Variants in HS6ST3 observed in about 807,000 individuals in gnomAD.
HS6ST3 encodes the protein heparan-sulfate 6-O-sulfotransferase 3.
HS6ST3 carries 12 observed loss-of-function variants against 36.7 expected under a neutral mutation model. The observed-to-expected ratio is 0.33, with a 90% CI of 0.21 to 0.53. The LOEUF is 0.53. HS6ST3 is among the 20% of genes least tolerant of loss of function. The probability of loss-of-function intolerance (pLI) is 0.95; values close to 1 mark genes in which losing one functional copy is unlikely to be tolerated. For synonymous variants in HS6ST3, 240 were observed against 257.5 expected (o/e 0.93, Z 0.65); for missense variants, 584 against 640.9 (o/e 0.91, Z 0.96).
At chr13:96,230,484 T>C (rs574061317) in intron 1 of HS6ST3, among the ~76,000 whole-genome samples, 56 of 152,248 alleles carry the variant, frequency 3.7e-4, no homozygotes, top group African/African-American at 1.2e-3. Context: ...AGATGAAATA[T>C]GGGTCTGGAG....
At chr13:96,091,605 C>A (rs755958688) in intron 1 of HS6ST3, 36 bp downstream of exon 1, 2 of 1,518,914 alleles carry the variant, frequency 1.3e-6, no homozygotes, top group Non-Finnish European at 1.8e-6. Flanking sequence ...TCTTCCCCCC[C>A]ACCCCCCATC....
At chr13:96,412,259 TC>T (rs949539677) in intron 1 of HS6ST3, among the ~76,000 whole-genome samples, 1 of 152,096 alleles carries the variant, frequency 6.6e-6, no homozygotes, top group African/African-American at 2.4e-5. Context: ...CACCTTGGCC[TC>T]CCAAAGTGCT....
At chr13:96,653,966 G>A (rs1440184182) in intron 1 of HS6ST3, among the ~76,000 whole-genome samples, 2 of 152,218 alleles carry the variant, frequency 1.3e-5, no homozygotes, top group Non-Finnish European at 2.9e-5. Context: ...CAGTGATGGT[G>A]AGCATTTTTT....
intron 1 of HS6ST3, among the ~76,000 whole-genome samples, chr13:96,704,766 C>T (rs1875376946): frequency 6.6e-6 from 1 of 152,066 alleles, no homozygotes; most frequent in Non-Finnish European, 1.5e-5. Flanking sequence ...GAAAGAAATT[C>T]CCCCAAATTC....
At chr13:96,136,695 A>ATT (rs2054003887) in intron 1 of HS6ST3, among the ~76,000 whole-genome samples, 1 of 44,534 alleles carries the variant, frequency 2.2e-5, no homozygotes, top group Non-Finnish European at 4.7e-5. Context: ...ATATATATAT[A>ATT]TATATATATA....
At chr13:96,400,821 C>T (rs1258195936) in intron 1 of HS6ST3, among the ~76,000 whole-genome samples, 1 of 152,124 alleles carries the variant, frequency 6.6e-6, no homozygotes, top group East Asian at 1.9e-4. Flanking sequence ...CTTTAACATC[C>T]TTCAGTTATA....
At chr13:96,458,780 A>G (rs2055767083) in intron 1 of HS6ST3, among the ~76,000 whole-genome samples, 1 of 152,052 alleles carries the variant, frequency 6.6e-6, no homozygotes, top group Non-Finnish European at 1.5e-5. Context: ...TGCATGAGAC[A>G]CTGATAAAAA....
chr13:96,250,299 A>T (rs1380261414), intron 1 of HS6ST3, among the ~76,000 whole-genome samples: 1 of 152,158 alleles, frequency 6.6e-6, no homozygotes, highest in Non-Finnish European at 1.5e-5. Flanking sequence ...CCCAAAGGAT[A>T]TGTTTGTTTT....
intron 1 of HS6ST3, among the ~76,000 whole-genome samples, chr13:96,104,889 C>T (rs991467597): frequency 6.6e-6 from 1 of 152,000 alleles, no homozygotes; most frequent in Non-Finnish European, 1.5e-5. Flanking sequence ...GCATAAAATC[C>T]TTCTTTTTCA....
chr13:96,117,943 C>G (rs879669798), intron 1 of HS6ST3, among the ~76,000 whole-genome samples: 4 of 151,762 alleles, frequency 2.6e-5, no homozygotes, highest in Non-Finnish European at 5.9e-5. Context: ...GATCTCGGCT[C>G]ACTGTAGCCT....
chr13:96,600,157 A>G (rs1016253705), intron 1 of HS6ST3, among the ~76,000 whole-genome samples: 1 of 152,062 alleles, frequency 6.6e-6, no homozygotes, highest in Non-Finnish European at 1.5e-5. Flanking sequence ...CATTTGTTCT[A>G]GATTCCAGTT....
At chr13:96,239,548 C>T (rs752909529) in intron 1 of HS6ST3, among the ~76,000 whole-genome samples, 5 of 152,154 alleles carry the variant, frequency 3.3e-5, no homozygotes, top group Non-Finnish European at 5.9e-5. Flanking sequence ...TTTTGCAAGG[C>T]ATTCATTTGT....
intron 1 of HS6ST3, among the ~76,000 whole-genome samples, chr13:96,126,577 C>T (rs769823774): frequency 2.0e-5 from 3 of 152,076 alleles, no homozygotes; most frequent in South Asian, 2.1e-4. Flanking sequence ...TCCATAGGGT[C>T]GTGCTGCTGG....
chr13:96,780,307 G>T (rs933602743), intron 1 of HS6ST3, among the ~76,000 whole-genome samples: 1 of 152,146 alleles, frequency 6.6e-6, no homozygotes, highest in African/African-American at 2.4e-5. Flanking sequence ...CGTAGTTTTC[G>T]TGTATTAATA....
chr13:96,234,812 A>G (rs143803978), intron 1 of HS6ST3, among the ~76,000 whole-genome samples: 1 of 152,364 alleles, frequency 6.6e-6, no homozygotes, highest in Non-Finnish European at 1.5e-5. Flanking sequence ...TTGGCAAGGT[A>G]CAAGGGCACT....
At position 96,268,322 on chromosome 13, in the gene HS6ST3, C is replaced by T. The variant is rs577650798; in HGVS notation, c.707+176753C>T. Among the ~76,000 whole-genome samples the T allele has an allele frequency of 9.2e-5, 14 of 151,984 alleles. No homozygotes were observed. In the East Asian group the frequency reaches 1.2e-3, roughly 13 times the overall value. On this transcript the variant is annotated intron_variant, in intron 1 of 1. Coordinates refer to ENST00000376705, the MANE Select transcript of HS6ST3 (RefSeq NM_153456.4). Reference sequence around the variant, plus strand: ...GGAGGCCTCAGGAAACTTACAATCACGGCAGGGGAAGCAAACATGTCCTTC... The same window carrying T: ...GGAGGCCTCAGGAAACTTACAATCATGGCAGGGGAAGCAAACATGTCCTTC...
rs541202072 is a variant in HS6ST3, at chr13:96,193,951, G to A, written c.707+102382G>A. 1.7e-4 allele frequency among the ~76,000 whole-genome samples: 26 copies of A among 152,258 alleles called. No homozygotes were observed. In the South Asian group the frequency reaches 4.8e-3, roughly 28 times the overall value. On this transcript the variant is annotated intron_variant, in intron 1 of 1. Transcript: ENST00000376705. ...TGAGGAACCCAGGAAGCTTCCAGAT[G>A]TGCATTCTAGGAAGAATTCTGCTGC...
At chr13:96,197,490 A>G (rs1039823038) in intron 1 of HS6ST3, among the ~76,000 whole-genome samples, 1 of 152,152 alleles carries the variant, frequency 6.6e-6, no homozygotes, top group Non-Finnish European at 1.5e-5. Context: ...ATCTCATGTC[A>G]TCATATTTCA....
intron 1 of HS6ST3, among the ~76,000 whole-genome samples, chr13:96,700,972 A>T (rs1466882340): frequency 6.6e-6 from 1 of 152,188 alleles, no homozygotes; most frequent in African/African-American, 2.4e-5. Context: ...CGGAAGCAAC[A>T]TCCCAGTTAG....
Sources: gnomAD v4.1 joint callset for allele counts (sites outside exome capture counted in the v4.1 genomes callset) on GRCh38, gnomAD v4.1.1 for gene constraint, MANE v1.5 for transcripts, NCBI Gene and HGNC (gene_info 2026-07-23, HGNC 2026-07-21) for gene names.